Variants in ZSCAN5A observed in about 807,000 individuals in gnomAD.
ZSCAN5A encodes the protein zinc finger and SCAN domain-containing protein 5A.
In ZSCAN5A, 12 loss-of-function variants were observed where a neutral mutation model predicts 23.7. The observed-to-expected ratio is 0.51, with a 90% CI of 0.32 to 0.82. ZSCAN5A has a LOEUF of 0.82. Ranked by LOEUF, ZSCAN5A falls within the 40% of genes least tolerant of loss-of-function variation. ZSCAN5A has a pLI of 0.03. For missense variants in ZSCAN5A, 597 were observed against 617.9 expected (o/e 0.97, Z 0.36); for synonymous variants, 257 against 239.9 (o/e 1.07, Z -0.66).
At chr19:56,246,113 T>C (rs1697518787) in intron 2 of ZSCAN5A, among the ~76,000 whole-genome samples, 1 of 152,074 alleles carries the variant, frequency 6.6e-6, no homozygotes, top group African/African-American at 2.4e-5. Flanking sequence ...ATTTAGAATA[T>C]GGAGGGTGCA....
chr19:56,323,580 A>G (rs1456471053), intron 2 of ZSCAN5A, among the ~76,000 whole-genome samples: 1 of 137,856 alleles, frequency 7.3e-6, no homozygotes, highest in Non-Finnish European at 1.5e-5. Flanking sequence ...CTTATTGCCC[A>G]GGCTGGAGTA....
intron 2 of ZSCAN5A, chr19:56,321,515 C>CT (rs2041375334): frequency 2.7e-6 from 2 of 727,568 alleles, no homozygotes; most frequent in African/African-American, 3.5e-5. Context: ...GCACCACTCA[C>CT]ACGCACTTTC....
At chr19:56,321,633 A>G (rs2041376952) in intron 2 of ZSCAN5A, 3 of 871,652 alleles carry the variant, frequency 3.4e-6, no homozygotes, top group African/African-American at 3.3e-5. Flanking sequence ...AGGTTCATCC[A>G]TGCATCGTTA....
intron 2 of ZSCAN5A, among the ~76,000 whole-genome samples, chr19:56,241,548 C>A (rs1015760422): frequency 6.6e-6 from 1 of 152,248 alleles, no homozygotes; most frequent in Non-Finnish European, 1.5e-5. Flanking sequence ...AATTAAGCTG[C>A]TATTCACATG....
chr19:56,317,968 A>G (rs1170923608), upstream of ZSCAN5A: 2 of 152,210 alleles, frequency 1.3e-5, no homozygotes, highest in Non-Finnish European at 2.9e-5. Context: ...TGTTTGGATA[A>G]TGATATTCAG....
upstream of ZSCAN5A, chr19:56,316,507 A>AT (rs757388963): frequency 9.5e-4 from 143 of 151,268 alleles, 1 homozygote; most frequent in African/African-American, 2.3e-3. Flanking sequence ...GGATTAGCAT[A>AT]TTTTTTTTTT....
chr19:56,322,722 G>C (rs2041389554), intron 2 of ZSCAN5A, among the ~76,000 whole-genome samples: 1 of 152,042 alleles, frequency 6.6e-6, no homozygotes, highest in Non-Finnish European at 1.5e-5. Context: ...ATCTCAGGCT[G>C]CTCAAGTCCA....
rs575364972 is a variant in ZSCAN5A, at chr19:56,284,607, C to A, written c.-128+28676G>T. 1.8e-4 allele frequency among the ~76,000 whole-genome samples: 27 copies of A among 149,906 alleles called. 1 individual carries two copies. In the South Asian group the frequency reaches 5.3e-3, roughly 29 times the overall value. ...GTAGGTCACTGCAGCCTCTGCCTCC[C>A]GGGTTCATGCCATTCTCCAACCTCA... On this transcript the variant is annotated intron_variant, in intron 2 of 5. Transcript: ENST00000683990.
At chr19:56,314,090 G>GC (rs1159386739) in intron 1 of ZSCAN5A, among the ~76,000 whole-genome samples, 6 of 152,142 alleles carry the variant, frequency 3.9e-5, no homozygotes, top group Non-Finnish European at 7.3e-5. Flanking sequence ...GCACAGGGCA[G>GC]CCCCCCACAA....
chr19:56,285,951 T>C (rs996231841), intron 2 of ZSCAN5A, among the ~76,000 whole-genome samples: 1 of 152,250 alleles, frequency 6.6e-6, no homozygotes, highest in Non-Finnish European at 1.5e-5. Context: ...TTAACAAATT[T>C]GCATCTTCAT....
intron 2 of ZSCAN5A, among the ~76,000 whole-genome samples, chr19:56,228,670 G>T (rs966001881): frequency 1.3e-5 from 2 of 152,052 alleles, no homozygotes; most frequent in Admixed American, 1.3e-4. Flanking sequence ...GATCTAGTTT[G>T]AGCAAAGCTC....
intron 2 of ZSCAN5A, among the ~76,000 whole-genome samples, chr19:56,287,924 C>T (rs1048827336): frequency 4.6e-5 from 7 of 152,244 alleles, no homozygotes; most frequent in African/African-American, 1.7e-4. Flanking sequence ...TCCCAGGACA[C>T]TTCCAGTGTT....
intron 2 of ZSCAN5A, among the ~76,000 whole-genome samples, chr19:56,328,523 TC>T (rs2041457428): frequency 6.6e-6 from 1 of 151,452 alleles, no homozygotes; most frequent in Non-Finnish European, 1.5e-5. Flanking sequence ...GCACCTGTAA[TC>T]CCAGCTACTT....
chr19:56,222,400 C>A (rs747563883), intron 5 of ZSCAN5A, 74 bp from the exon 6 acceptor site: 551 of 1,575,502 alleles, frequency 3.5e-4, no homozygotes, highest in Non-Finnish European at 4.6e-4. Flanking sequence ...CAACCAAACA[C>A]TGATGTTGGC....
chr19:56,246,585 C>T, intron 2 of ZSCAN5A: 1 of 661,940 alleles, frequency 1.5e-6, no homozygotes, highest in Non-Finnish European at 2.7e-6. Flanking sequence ...CCTCTCCATC[C>T]CTTACTCTCC....
chr19:56,301,403 C>T lies in ZSCAN5A; in HGVS notation c.-128+11880G>A, dbSNP rs34135137. On this transcript the variant is annotated intron_variant, in intron 2 of 5. Coordinates refer to ENST00000683990, the MANE Select transcript of ZSCAN5A (RefSeq NM_001322064.3). ...TGTGAACTGTCATGGTACTGGTGGG[C>T]GTGTCTCTTAGCCTGCTAATGCATT... 4.3e-3 allele frequency among the ~76,000 whole-genome samples: 647 copies of T among 152,020 alleles called. 2 individuals are homozygous for T. The highest frequency in any genetic ancestry group is 7.1e-3 in the Non-Finnish European group (485 of 67,984).
At chr19:56,288,946 GGCCTTCAAACTCCTTTAAGAAAAT>G (rs561044660) in intron 2 of ZSCAN5A, among the ~76,000 whole-genome samples, 3 of 152,242 alleles carry the variant, frequency 2.0e-5, no homozygotes, top group South Asian at 4.1e-4. Context: ...ACCACCGCTG[GGCCTTCAAACTCCTTTAAGAAAAT>G]GCCAGGGAAG....
chr19:56,247,062 A>C (rs761682496), intron 2 of ZSCAN5A: 1 of 774,594 alleles, frequency 1.3e-6, no homozygotes, highest in Non-Finnish European at 2.3e-6. Flanking sequence ...TGCCCTTTGC[A>C]TGTGGCGTGT....
At chr19:56,301,470 C>CT (rs982310211) in intron 2 of ZSCAN5A, among the ~76,000 whole-genome samples, 2 of 152,174 alleles carry the variant, frequency 1.3e-5, no homozygotes, top group African/African-American at 4.8e-5. Context: ...CCAGAGGTCA[C>CT]TTGAATCGCT....
Sources: gnomAD v4.1 joint callset for allele counts (sites outside exome capture counted in the v4.1 genomes callset) on GRCh38, gnomAD v4.1.1 for gene constraint, MANE v1.5 for transcripts, NCBI Gene and HGNC (gene_info 2026-07-23, HGNC 2026-07-21) for gene names.